GNG7: variants seen among roughly 807,000 people sequenced by gnomAD.
GNG7 encodes the protein G protein subunit gamma 7.
GNG7 carries 1 observed loss-of-function variant against 4.0 expected under a neutral mutation model. The ratio of observed to expected loss-of-function variants is 0.25; its 90% CI spans 0.09 to 1.18. GNG7 has a LOEUF of 1.18. Ranked by LOEUF, GNG7 falls within the 50% of genes most tolerant of loss-of-function variation. The pLI is 0.50. For missense variants in GNG7, 86 were observed against 91.9 expected (o/e 0.94, Z 0.26); for synonymous variants, 34 against 36.9 (o/e 0.92, Z 0.29).
chr19:2,684,117 T>C (rs1054053441), intron 1 of GNG7, among the ~76,000 whole-genome samples: 1 of 148,480 alleles, frequency 6.7e-6, no homozygotes, highest in Non-Finnish European at 1.5e-5. Context: ...AGGTCAGGAG[T>C]TCGAGACCAG....
At chr19:2,678,174 G>A (rs959873154) in intron 1 of GNG7, among the ~76,000 whole-genome samples, 6 of 152,166 alleles carry the variant, frequency 3.9e-5, no homozygotes, top group South Asian at 2.1e-4. Flanking sequence ...GGCGGTGGCC[G>A]ACGCCAACAC....
rs114665706 is a variant in GNG7 at position 2,578,223 on chromosome 19, A to G, written c.-77-23035T>C. On this transcript the variant is annotated intron_variant, in intron 2 of 4. Coordinates refer to ENST00000382159, the MANE Select transcript of GNG7 (RefSeq NM_052847.3). ...AGGGTCTCTGAGGGCTTTGAGGCTC[A>G]GAGATCTGCTGAGACACAGGTAGCG... Among the ~76,000 whole-genome samples, 601 of 152,176 alleles carry G rather than the reference A, an allele frequency of 3.9e-3. 3 individuals are homozygous for G. The highest frequency in any genetic ancestry group is 0.014 in the African/African-American group (580 of 41,534).
rs2144845665 is a variant in GNG7 at position 2,633,745 on chromosome 19, A to G, written c.-78+12479T>C. 6.6e-6 allele frequency among the ~76,000 whole-genome samples: 1 copy of G among 152,162 alleles called. No individual in the cohort carries two copies. Among genetic ancestry groups the G allele is most frequent in the South Asian group, 2.1e-4 (1 of 4,826 alleles). On this transcript the variant is annotated intron_variant, in intron 2 of 4. Coordinates refer to ENST00000382159, the MANE Select transcript of GNG7 (RefSeq NM_052847.3). This position sits in a 1 kb window ranked among gnomAD's most constrained non-coding sequence, Gnocchi z 5.9. Reference sequence around the variant, plus strand: ...GGGAGCTGTAGTAATTCTGTCCAGAAGAGGACAGAAGCCTGCTCTCAACTC... The same window carrying G: ...GGGAGCTGTAGTAATTCTGTCCAGAGGAGGACAGAAGCCTGCTCTCAACTC...
In GNG7 at chr19:2,598,446, A is replaced by G. The variant is rs1340915250; in HGVS notation, c.-77-43258T>C. On this transcript the variant is annotated intron_variant, in intron 2 of 4. Coordinates refer to ENST00000382159, the MANE Select transcript of GNG7 (RefSeq NM_052847.3). Reference sequence around the variant, plus strand: ...GCCGAGGCGGGCGGATCACGAGGTCAGGAGATCGAGACCATCCTGGCTAAC... The same window carrying G: ...GCCGAGGCGGGCGGATCACGAGGTCGGGAGATCGAGACCATCCTGGCTAAC... Among the ~76,000 whole-genome samples the G allele has an allele frequency of 4.0e-5, 6 of 151,338 alleles. No individual in the cohort carries two copies. In the East Asian group the frequency reaches 1.2e-3, roughly 29 times the overall value.
At chr19:2,659,306 C>T (rs865845263) in intron 1 of GNG7, among the ~76,000 whole-genome samples, 14 of 141,704 alleles carry the variant, frequency 9.9e-5, no homozygotes, top group African/African-American at 2.0e-4. Flanking sequence ...GGGCCGGGCG[C>T]GGTGGCTCAC....
intron 2 of GNG7, among the ~76,000 whole-genome samples, chr19:2,619,144 C>A (rs1244559207): frequency 1.3e-5 from 2 of 152,210 alleles, no homozygotes; most frequent in Non-Finnish European, 2.9e-5. Context: ...CAACAAATAT[C>A]CGTAAGTAGA....
chr19:2,571,075 G>C (rs1980131135), intron 2 of GNG7, among the ~76,000 whole-genome samples: 1 of 151,802 alleles, frequency 6.6e-6, no homozygotes, highest in Non-Finnish European at 1.5e-5. Flanking sequence ...GTGCTGAGAT[G>C]ATAGGCGTGA....
At chr19:2,572,203 G>A (rs1248464928) in intron 2 of GNG7, among the ~76,000 whole-genome samples, 8 of 151,848 alleles carry the variant, frequency 5.3e-5, no homozygotes, top group Admixed American at 4.6e-4. Context: ...TTGTTTTTTA[G>A]AGACAGGGTC....
chr19:2,610,382 C>T (rs917184028), intron 2 of GNG7: 1 of 150,872 alleles, frequency 6.6e-6, no homozygotes, highest in Non-Finnish European at 1.5e-5. Flanking sequence ...GAGTCTTGCT[C>T]TGTCGCCCAG....
At chr19:2,643,939 G>A (rs2144858334) in intron 2 of GNG7, 1 of 245,770 alleles carries the variant, frequency 4.1e-6, no homozygotes, top group Non-Finnish European at 8.1e-6. Flanking sequence ...ACAATATGAA[G>A]TCCTTTACAT....
intron 1 of GNG7, among the ~76,000 whole-genome samples, chr19:2,661,406 C>G (rs1460128262): frequency 6.6e-6 from 1 of 151,592 alleles, no homozygotes; most frequent in Non-Finnish European, 1.5e-5. Context: ...CCTATAATCC[C>G]AGCACTCTGG....
At chr19:2,697,548 A>C (rs1488716021) in intron 1 of GNG7, among the ~76,000 whole-genome samples, 1 of 152,230 alleles carries the variant, frequency 6.6e-6, no homozygotes, top group East Asian at 1.9e-4. Flanking sequence ...GACAGAGGCC[A>C]GGCCAAAGAG....
At chr19:2,690,138 T>C (rs1341901208) in intron 1 of GNG7, among the ~76,000 whole-genome samples, 2 of 152,012 alleles carry the variant, frequency 1.3e-5, no homozygotes, top group Non-Finnish European at 2.9e-5. Flanking sequence ...TCCCAGCACT[T>C]TGGGAGGCCG....
intron 1 of GNG7, among the ~76,000 whole-genome samples, chr19:2,669,358 T>TGG (rs1983392062): frequency 4.6e-5 from 7 of 151,784 alleles, no homozygotes; most frequent in Non-Finnish European, 1.0e-4. Flanking sequence ...GGCGTGGTGG[T>TGG]GCATGCCTGT....
chr19:2,568,362 C>G (rs548512344), intron 2 of GNG7, among the ~76,000 whole-genome samples: 4 of 151,228 alleles, frequency 2.6e-5, no homozygotes, highest in Non-Finnish European at 5.9e-5. Context: ...CACACGTGCA[C>G]ATACACACAT....
At chr19:2,612,115 C>T (rs943503470) in intron 2 of GNG7, among the ~76,000 whole-genome samples, 2 of 152,104 alleles carry the variant, frequency 1.3e-5, no homozygotes, top group African/African-American at 2.4e-5. Flanking sequence ...CCTCGTGATC[C>T]GCCTACCCTG....
chr19:2,512,325 C>T lies in GNG7; in HGVS notation c.*2697G>A. 1 of 985,754 alleles carries T rather than the reference C, an allele frequency of 1.0e-6. No homozygotes were observed. The highest frequency in any genetic ancestry group is 1.2e-6 in the Non-Finnish European group (1 of 829,892). The allele number at this position is 985,754 out of a possible 1,614,324, so 61.1% of individuals were successfully genotyped here. ...GTGCCACGTCTGCAAAGGTATTTTC[C>T]ACAGTGTGGTCACTGAAGTCTACTC... On this transcript the variant is annotated 3_prime_UTR_variant, in exon 5 of 5. Transcript: ENST00000382159. This position sits in a 1 kb window ranked among gnomAD's most constrained non-coding sequence, Gnocchi z 4.7.
intron 3 of GNG7, among the ~76,000 whole-genome samples, chr19:2,539,570 G>C (rs537172115): frequency 1.3e-5 from 2 of 152,194 alleles, no homozygotes; most frequent in South Asian, 4.1e-4. Flanking sequence ...CTCCCAAAGC[G>C]CTGGGATTAC....
At chr19:2,532,355 G>A (rs1184069723) in intron 3 of GNG7, among the ~76,000 whole-genome samples, 1 of 152,156 alleles carries the variant, frequency 6.6e-6, no homozygotes, top group Non-Finnish European at 1.5e-5. Flanking sequence ...GACAATATCT[G>A]AAAAGTAAGA....
Sources: gnomAD v4.1 joint callset for allele counts (sites outside exome capture counted in the v4.1 genomes callset) on GRCh38, gnomAD v4.1.1 for gene constraint, Gnocchi (gnomAD v3.1) non-coding constraint, MANE v1.5 for transcripts, NCBI Gene and HGNC (gene_info 2026-07-23, HGNC 2026-07-21) for gene names.